PLEKHA7: variants seen among roughly 807,000 people sequenced by gnomAD.
PLEKHA7 encodes pleckstrin homology domain-containing family A member 7.
Under a neutral mutation model 170.0 loss-of-function variants are expected in PLEKHA7, and 104 were observed. The ratio of observed to expected loss-of-function variants is 0.61; its 90% CI spans 0.52 to 0.72. The LOEUF (loss-of-function observed/expected upper bound fraction) is 0.72. PLEKHA7 is among the 30% of genes least tolerant of loss of function. The pLI is 0.00. For synonymous variants in PLEKHA7, 648 were observed against 660.8 expected, an observed-to-expected ratio of 0.98 and a Z score of 0.30; for missense variants, 1,615 against 1,671.7, an observed-to-expected ratio of 0.97 and a Z score of 0.59.
Position 16,855,831 on chromosome 11 carries a change from G to A in PLEKHA7, c.389C>T (p.Ser130Phe), listed in dbSNP as rs1225407449. 1.9e-6 allele frequency: 3 copies of A among 1,613,906 alleles called. No homozygotes were observed. The highest frequency in any genetic ancestry group is 2.5e-6 in the Non-Finnish European group (3 of 1,179,892). The change falls in exon 5 of 27, where the codon TCC becomes TTC. Residue 130 changes from serine (S) to phenylalanine (F), a missense_variant. Transcript: ENST00000531066. The stretch of plus-strand genomic sequence containing the variant: ...GGGTCCAGGCTTGGCCTCCAGGGTG[G>A]AGGCGGTCCCAGCCGTGGATGTTTC... ...VSETSTAGTA[S>F]TLEAKPGPKI... is the part of the protein sequence containing the mutation.
At chr11:16,941,883 A>G (rs1860717587) in intron 3 of PLEKHA7, among the ~76,000 whole-genome samples, 1 of 152,214 alleles carries the variant, frequency 6.6e-6, no homozygotes, top group South Asian at 2.1e-4. Context: ...GGTAATTATA[A>G]GCAACAAACA....
chr11:16,965,577 T>A (rs1385855152), intron 3 of PLEKHA7, among the ~76,000 whole-genome samples: 1 of 151,830 alleles, frequency 6.6e-6, no homozygotes, highest in Non-Finnish European at 1.5e-5. Context: ...GAGGGGAGAA[T>A]GGGCAGTGTA....
rs796482573 is a variant in PLEKHA7 at position 16,906,512 on chromosome 11, G to A, written c.222-35330C>T. ...GTTTTCGTATTTTTTTGGTGGAGAC[G>A]GGGTTTCGCTGTGTTGGCCAGGCTG... On this transcript the variant is annotated intron_variant, in intron 3 of 26. Coordinates refer to ENST00000531066, the MANE Select transcript of PLEKHA7 (RefSeq NM_001329630.2). 7.2e-5 allele frequency among the ~76,000 whole-genome samples: 10 copies of A among 139,538 alleles called. 1 individual carries two copies. Among genetic ancestry groups the A allele is most frequent in the Middle Eastern group, 3.5e-3 (1 of 284 alleles). 91.5% of individuals were successfully genotyped at this position (139,538 alleles called of 152,430 possible).
chr11:16,925,585 G>A (rs1006577741), intron 3 of PLEKHA7, among the ~76,000 whole-genome samples: 1 of 152,218 alleles, frequency 6.6e-6, no homozygotes, highest in African/African-American at 2.4e-5. Context: ...ACGCGTCCCA[G>A]GGAGGACAGC....
At chr11:16,908,233 G>A (rs71484743) in intron 3 of PLEKHA7, among the ~76,000 whole-genome samples, 5 of 137,880 alleles carry the variant, frequency 3.6e-5, no homozygotes, top group African/African-American at 8.1e-5. Context: ...CCCCCTCTGC[G>A]AGAAACACCC....
intron 3 of PLEKHA7, among the ~76,000 whole-genome samples, chr11:16,960,671 C>T (rs1862003529): frequency 6.6e-6 from 1 of 152,092 alleles, no homozygotes; most frequent in South Asian, 2.1e-4. Flanking sequence ...AGCCACAGCC[C>T]AAGGTGATAC....
intron 3 of PLEKHA7, among the ~76,000 whole-genome samples, chr11:16,945,879 T>C (rs1860997135): frequency 6.6e-6 from 1 of 152,160 alleles, no homozygotes; most frequent in Non-Finnish European, 1.5e-5. Flanking sequence ...CTACAAAGTC[T>C]CATACTTTCA....
chr11:16,819,143 G>C (rs1162366540), intron 10 of PLEKHA7, among the ~76,000 whole-genome samples: 1 of 151,602 alleles, frequency 6.6e-6, no homozygotes, highest in African/African-American at 2.4e-5. Flanking sequence ...TTTTGCCCAG[G>C]CTGGAGTGCA....
At chr11:16,943,958 G>A (rs1435899611) in intron 3 of PLEKHA7, among the ~76,000 whole-genome samples, 1 of 152,212 alleles carries the variant, frequency 6.6e-6, no homozygotes, top group South Asian at 2.1e-4. Flanking sequence ...AAGTTTAGGG[G>A]ATGGGAAGAA....
intron 3 of PLEKHA7, among the ~76,000 whole-genome samples, chr11:17,007,008 T>C (rs1009123569): frequency 5.3e-5 from 8 of 152,232 alleles, no homozygotes; most frequent in Non-Finnish European, 1.2e-4. Context: ...GGTAACCTTC[T>C]GAAGGACTCA....
intron 3 of PLEKHA7, among the ~76,000 whole-genome samples, chr11:16,897,755 T>A (rs1162763042): frequency 7.9e-5 from 12 of 152,212 alleles, no homozygotes. Context: ...GGTTTCAGAC[T>A]TTATGACTCT....
At chr11:16,831,910 A>G (rs1590260592) in intron 9 of PLEKHA7, among the ~76,000 whole-genome samples, 2 of 152,208 alleles carry the variant, frequency 1.3e-5, no homozygotes, top group Non-Finnish European at 2.9e-5. Context: ...TGAAAGTCGC[A>G]ATGTACCCAG....
chr11:16,808,135 G>A (rs576615626), intron 13 of PLEKHA7, among the ~76,000 whole-genome samples: 86 of 152,266 alleles, frequency 5.6e-4, no homozygotes, highest in Admixed American at 3.9e-4. Context: ...TTTGAGAGCC[G>A]CTACTTCAAA....
At chr11:16,825,926 T>C (rs1850600274) in intron 10 of PLEKHA7, among the ~76,000 whole-genome samples, 194 bp downstream of exon 10, 1 of 152,224 alleles carries the variant, frequency 6.6e-6, no homozygotes, top group South Asian at 2.1e-4. Flanking sequence ...GTTCCTTCAC[T>C]TCTCCAAGCC....
chr11:17,009,881 C>T (rs1341538488), intron 3 of PLEKHA7, among the ~76,000 whole-genome samples: 3 of 151,978 alleles, frequency 2.0e-5, no homozygotes, highest in South Asian at 2.1e-4. Flanking sequence ...CCCTCGCCTC[C>T]GCCTCCCAAA....
At chr11:16,823,852 C>T (rs1197797138) in intron 10 of PLEKHA7, among the ~76,000 whole-genome samples, 2 of 152,136 alleles carry the variant, frequency 1.3e-5, no homozygotes, top group Non-Finnish European at 2.9e-5. Flanking sequence ...TTGGAAGCAA[C>T]CTAAGTGTCC....
intron 3 of PLEKHA7, among the ~76,000 whole-genome samples, chr11:16,971,672 T>C (rs975219316): frequency 6.6e-6 from 1 of 152,234 alleles, no homozygotes; most frequent in Admixed American, 6.5e-5. Flanking sequence ...GGGCAGGAGA[T>C]ACATATTTGA....
chr11:16,928,930 T>G (rs1415303361), intron 3 of PLEKHA7, among the ~76,000 whole-genome samples: 5 of 152,194 alleles, frequency 3.3e-5, no homozygotes, highest in Non-Finnish European at 5.9e-5. Context: ...AATAAAAGAC[T>G]ACTAGAGGGA....
rs559597785 is a variant in PLEKHA7, at chr11:16,819,609, C to T, written c.1344-2287G>A. On this transcript the variant is annotated intron_variant, in intron 10 of 26. Transcript: ENST00000531066. ...TGCCAGACATTGTTCCAAGCCAACA[C>T]TACTCAAAGTGTGGCCTGTGTGCCA... Among the ~76,000 whole-genome samples, 25 of 152,344 alleles carry T rather than the reference C, an allele frequency of 1.6e-4. No individual in the cohort carries two copies. The South Asian group carries it at 3.9e-3, about 24-fold the overall frequency.
Sources: gnomAD v4.1 joint callset for allele counts (sites outside exome capture counted in the v4.1 genomes callset) on GRCh38, gnomAD v4.1.1 for gene constraint, MANE v1.5 for transcripts, NCBI Gene and HGNC (gene_info 2026-07-23, HGNC 2026-07-21) for gene names.